The following KIAA1328 variants were observed in gnomAD, a reference collection of about 807,000 sequenced individuals.
KIAA1328 encodes the protein KIAA1328, also known as protein hinderin.
KIAA1328 carries 52 observed loss-of-function variants against 68.1 expected under a neutral mutation model. The ratio of observed to expected loss-of-function variants is 0.76; its 90% CI spans 0.61 to 0.96. The LOEUF is 0.96. Ranked by LOEUF, KIAA1328 falls within the 40% of genes least tolerant of loss-of-function variation. The probability of loss-of-function intolerance (pLI) is 0.00; values close to 1 mark genes in which losing one functional copy is unlikely to be tolerated. For missense variants in KIAA1328, 641 were observed against 677.6 expected, an observed-to-expected ratio of 0.95 and a Z score of 0.60; for synonymous variants, 232 against 239.4, an observed-to-expected ratio of 0.97 and a Z score of 0.28.
chr18:37,058,139 A>G (rs574330520), intron 6 of KIAA1328, among the ~76,000 whole-genome samples: 1 of 152,218 alleles, frequency 6.6e-6, no homozygotes, highest in South Asian at 2.1e-4. Context: ...TACATGTGGA[A>G]TGAGGTTGTG....
At chr18:36,955,635 C>T (rs1393883280) in intron 5 of KIAA1328, among the ~76,000 whole-genome samples, 2 of 152,000 alleles carry the variant, frequency 1.3e-5, no homozygotes, top group African/African-American at 2.4e-5. Flanking sequence ...TGACAAGCCC[C>T]GATCTATTTG....
intron 4 of KIAA1328, among the ~76,000 whole-genome samples, chr18:36,874,467 G>A (rs1038216658): frequency 6.6e-6 from 1 of 152,104 alleles, no homozygotes; most frequent in African/African-American, 2.4e-5. Flanking sequence ...ATGTTTGCTG[G>A]CCACATAAAT....
intron 1 of KIAA1328, among the ~76,000 whole-genome samples, chr18:36,833,584 G>GA (rs1369475323): frequency 2.0e-5 from 3 of 152,116 alleles, no homozygotes; most frequent in Admixed American, 2.0e-4. Context: ...ACCACTGTGT[G>GA]AAAAAATAGG....
At chr18:36,935,029 T>C (rs2151162540) in intron 5 of KIAA1328, among the ~76,000 whole-genome samples, 1 of 152,358 alleles carries the variant, frequency 6.6e-6, no homozygotes, top group East Asian at 1.9e-4. Context: ...CTTCAATCTG[T>C]TTCTCTTGGA....
chr18:37,201,052 A>G (rs2060104191), intron 9 of KIAA1328, among the ~76,000 whole-genome samples: 1 of 152,234 alleles, frequency 6.6e-6, no homozygotes, highest in South Asian at 2.1e-4. Flanking sequence ...AGGAATTTTT[A>G]GGAGCACCCA....
intron 5 of KIAA1328, among the ~76,000 whole-genome samples, chr18:36,943,432 T>C (rs1007349306): frequency 1.3e-5 from 2 of 152,222 alleles, no homozygotes; most frequent in African/African-American, 4.8e-5. Context: ...TCAGAGCCAT[T>C]ATCTGAACTA....
intron 6 of KIAA1328, among the ~76,000 whole-genome samples, chr18:36,988,552 A>G (rs1258032881): frequency 6.6e-6 from 1 of 152,196 alleles, no homozygotes; most frequent in Admixed American, 6.5e-5. Context: ...GGCAAGCTGC[A>G]TTATTCTACT....
intron 6 of KIAA1328, among the ~76,000 whole-genome samples, chr18:37,045,723 C>T (rs2055442081): frequency 6.6e-6 from 1 of 152,140 alleles, no homozygotes; most frequent in African/African-American, 2.4e-5. Flanking sequence ...TATTTGAAGC[C>T]TTCCTTTTAC....
chr18:37,164,872 T>G (rs913011883), intron 8 of KIAA1328, among the ~76,000 whole-genome samples: 1 of 152,226 alleles, frequency 6.6e-6, no homozygotes, highest in South Asian at 2.1e-4. Flanking sequence ...AGGCCTTAAA[T>G]GTATAGTGTG....
At chr18:36,935,614 G>A (rs1227600935) in intron 5 of KIAA1328, among the ~76,000 whole-genome samples, 2 of 152,096 alleles carry the variant, frequency 1.3e-5, no homozygotes, top group Non-Finnish European at 2.9e-5. Context: ...TATGGGGGTG[G>A]GGAGTGATCC....
In KIAA1328 at chr18:37,224,928, T is replaced by C. The variant is rs1416118840; in HGVS notation, c.*2701T>C. ...CCTAAGTAAGGCCCACAGTTCTTGATGCAGAGAACCAAAGTGAATCATAGA... is the reference window on the plus strand; with the variant it reads ...CCTAAGTAAGGCCCACAGTTCTTGACGCAGAGAACCAAAGTGAATCATAGA... On this transcript the variant is annotated 3_prime_UTR_variant, in exon 10 of 10. Coordinates refer to ENST00000280020, the MANE Select transcript of KIAA1328 (RefSeq NM_020776.3). The C allele has an allele frequency of 1.8e-5, 18 of 985,486 alleles. No individual in the cohort carries two copies. Among genetic ancestry groups the C allele is most frequent in the Non-Finnish European group, 2.2e-5 (18 of 829,950 alleles). 61.0% of individuals were successfully genotyped at this position (985,486 alleles called of 1,614,324 possible).
At chr18:37,057,922 C>T (rs977495809) in intron 6 of KIAA1328, among the ~76,000 whole-genome samples, 16 of 152,118 alleles carry the variant, frequency 1.1e-4, no homozygotes, top group Admixed American at 2.6e-4. Flanking sequence ...AAAAGTTTGC[C>T]GACCTTGTCG....
At chr18:36,980,339 C>T (rs1267983318) in intron 6 of KIAA1328, among the ~76,000 whole-genome samples, 1 of 152,070 alleles carries the variant, frequency 6.6e-6, no homozygotes, top group Non-Finnish European at 1.5e-5. Flanking sequence ...AGACCTAGTT[C>T]CCTTCCCACA....
At chr18:36,863,802 G>A (rs113064672) in intron 4 of KIAA1328, among the ~76,000 whole-genome samples, 1 of 152,022 alleles carries the variant, frequency 6.6e-6, no homozygotes, top group Non-Finnish European at 1.5e-5. Flanking sequence ...TGATTCTGCT[G>A]TTCACATTTT....
chr18:36,956,873 G>C (rs1478244255), intron 5 of KIAA1328, among the ~76,000 whole-genome samples: 1 of 152,138 alleles, frequency 6.6e-6, no homozygotes, highest in East Asian at 1.9e-4. Context: ...ATCTTTTAGA[G>C]CTTGCTTTCC....
chr18:37,181,863 T>G (rs976832950), intron 9 of KIAA1328, among the ~76,000 whole-genome samples: 1 of 152,208 alleles, frequency 6.6e-6, no homozygotes, highest in African/African-American at 2.4e-5. Flanking sequence ...TATTCCATAA[T>G]TTTAGAAACA....
chr18:37,099,296 A>G (rs893682390), intron 7 of KIAA1328, among the ~76,000 whole-genome samples: 1 of 152,182 alleles, frequency 6.6e-6, no homozygotes, highest in Non-Finnish European at 1.5e-5. Context: ...ATTGGTTTCA[A>G]AGAACATCTT....
chr18:36,848,858 T>C (rs750218023), intron 4 of KIAA1328, among the ~76,000 whole-genome samples: 2 of 151,654 alleles, frequency 1.3e-5, no homozygotes, highest in Admixed American at 1.3e-4. Flanking sequence ...GTAAACTACA[T>C]TGATTGATTT....
At chr18:36,902,030 T>C (rs548840164) in intron 5 of KIAA1328, 90 of 152,184 alleles carry the variant, frequency 5.9e-4, no homozygotes, top group African/African-American at 2.2e-3. Context: ...TTAGCACTTT[T>C]CACAGTTGTT....
Sources: allele counts gnomAD v4.1 joint callset (sites outside exome capture counted in the v4.1 genomes callset), GRCh38; gene constraint gnomAD v4.1.1; transcripts MANE v1.5; gene names NCBI Gene and HGNC (gene_info 2026-07-23, HGNC 2026-07-21).